SUPT3H: variants seen among roughly 807,000 people sequenced by gnomAD.
SUPT3H encodes SPT3 homolog, SAGA and STAGA complex component.
In SUPT3H, 44 loss-of-function variants were observed where a neutral mutation model predicts 44.3. The observed-to-expected ratio is 0.99, with a 90% CI of 0.78 to 1.28. The LOEUF is 1.28. Ranked by LOEUF, SUPT3H falls within the 50% of genes most tolerant of loss-of-function variation. SUPT3H has a pLI of 0.00. For synonymous variants in SUPT3H, 124 were observed against 125.6 expected, an observed-to-expected ratio of 0.99 and a Z score of 0.09; for missense variants, 380 against 387.1, an observed-to-expected ratio of 0.98 and a Z score of 0.15.
intron 10 of SUPT3H, among the ~76,000 whole-genome samples, chr6:44,851,988 G>T (rs1192832751): frequency 6.6e-6 from 1 of 152,128 alleles, no homozygotes; most frequent in African/African-American, 2.4e-5. Flanking sequence ...GGCCCCATTG[G>T]CGTTTCCTAC....
intron 3 of SUPT3H, among the ~76,000 whole-genome samples, chr6:45,046,304 G>A (rs1421675157): frequency 6.6e-6 from 1 of 151,844 alleles, no homozygotes; most frequent in Non-Finnish European, 1.5e-5. Context: ...CTATCTTTAT[G>A]TCATTACCAC....
At chr6:45,187,504 A>T (rs1297480041) in intron 2 of SUPT3H, among the ~76,000 whole-genome samples, 1 of 151,590 alleles carries the variant, frequency 6.6e-6, no homozygotes, top group Non-Finnish European at 1.5e-5. Context: ...TAAAACTCCT[A>T]TTATATAAAT....
chr6:45,274,967 A>G (rs887705306), intron 2 of SUPT3H, among the ~76,000 whole-genome samples: 2 of 152,110 alleles, frequency 1.3e-5, no homozygotes, highest in African/African-American at 4.8e-5. Context: ...CTTTTTTTCT[A>G]TTAATGAGGC....
At chr6:44,990,905 T>C (rs1562213902) in intron 6 of SUPT3H, among the ~76,000 whole-genome samples, 2 of 151,892 alleles carry the variant, frequency 1.3e-5, no homozygotes, top group African/African-American at 4.8e-5. Context: ...AAATAATTAT[T>C]ATACTTTTAT....
intron 5 of SUPT3H, among the ~76,000 whole-genome samples, chr6:45,004,476 T>C (rs1057010964): frequency 1.3e-5 from 2 of 151,962 alleles, no homozygotes; most frequent in African/African-American, 4.8e-5. Context: ...TAAGAATCTA[T>C]ATTATCATCT....
At chr6:45,089,907 A>G (rs1796927357) in intron 3 of SUPT3H, among the ~76,000 whole-genome samples, 1 of 152,098 alleles carries the variant, frequency 6.6e-6, no homozygotes, top group South Asian at 2.1e-4. Context: ...AGCTGTCTAC[A>G]GAATTACATA....
At chr6:45,165,915 G>C (rs1472625346) in intron 2 of SUPT3H, among the ~76,000 whole-genome samples, 1 of 152,154 alleles carries the variant, frequency 6.6e-6, no homozygotes, top group Non-Finnish European at 1.5e-5. Context: ...GAAGAAATAA[G>C]ATGCATATTG....
chr6:44,994,375 A>G (rs1246133935), intron 6 of SUPT3H, among the ~76,000 whole-genome samples: 1 of 152,168 alleles, frequency 6.6e-6, no homozygotes, highest in African/African-American at 2.4e-5. Context: ...CTTCCTAGAG[A>G]GTTGAACAGA....
intron 10 of SUPT3H, among the ~76,000 whole-genome samples, chr6:44,917,352 T>C (rs1044327477): frequency 5.3e-5 from 8 of 152,326 alleles, no homozygotes; most frequent in South Asian, 2.1e-4. Flanking sequence ...TGTATACACA[T>C]ACATATACAT....
At chr6:44,968,154 TC>T (rs1777038221) in intron 6 of SUPT3H, among the ~76,000 whole-genome samples, 1 of 151,958 alleles carries the variant, frequency 6.6e-6, no homozygotes, top group East Asian at 1.9e-4. Context: ...AAATGCAGAG[TC>T]CTTTTTGCAT....
intron 2 of SUPT3H, among the ~76,000 whole-genome samples, chr6:45,311,240 A>G (rs563998233): frequency 6.6e-6 from 1 of 152,324 alleles, no homozygotes; most frequent in East Asian, 1.9e-4. Flanking sequence ...AAAACAGAAT[A>G]ATATGAACAA....
intron 10 of SUPT3H, among the ~76,000 whole-genome samples, chr6:44,844,371 A>G (rs1000438536): frequency 2.0e-5 from 3 of 152,210 alleles, no homozygotes; most frequent in Admixed American, 6.5e-5. Flanking sequence ...AAAGATCGAT[A>G]AATCAGACTA....
intron 10 of SUPT3H, among the ~76,000 whole-genome samples, chr6:44,891,981 C>T (rs1763385531): frequency 6.6e-6 from 1 of 151,796 alleles, no homozygotes; most frequent in South Asian, 2.1e-4. Flanking sequence ...TCAAAATGTT[C>T]TATTCTTTTA....
At chr6:45,043,281 G>A (rs1432146198) in intron 3 of SUPT3H, among the ~76,000 whole-genome samples, 3 of 152,040 alleles carry the variant, frequency 2.0e-5, no homozygotes, top group African/African-American at 7.2e-5. Context: ...TGAGAGAAAT[G>A]ACAAATGCAC....
chr6:45,210,121 T>C (rs1316263398), intron 2 of SUPT3H, among the ~76,000 whole-genome samples: 1 of 152,104 alleles, frequency 6.6e-6, no homozygotes, highest in Non-Finnish European at 1.5e-5. Context: ...ATAAGGCTAC[T>C]GGAAAGGAAA....
chr6:45,359,099 T>C (rs1465919864), intron 2 of SUPT3H, among the ~76,000 whole-genome samples: 1 of 152,140 alleles, frequency 6.6e-6, no homozygotes, highest in East Asian at 1.9e-4. Context: ...ACACATATAA[T>C]CCTAAACTGA....
At chr6:45,266,286 T>G (rs186831985) in intron 2 of SUPT3H, among the ~76,000 whole-genome samples, 1 of 151,958 alleles carries the variant, frequency 6.6e-6, no homozygotes, top group Non-Finnish European at 1.5e-5. Context: ...TTTAAAAATC[T>G]AGAAACTTCA....
chr6:44,914,146 T>C (rs1219129956), intron 10 of SUPT3H, among the ~76,000 whole-genome samples: 1 of 152,236 alleles, frequency 6.6e-6, no homozygotes. Flanking sequence ...ACTTCTGTGA[T>C]AAAAGTAACC....
intron 2 of SUPT3H, among the ~76,000 whole-genome samples, chr6:45,238,569 T>C (rs561156121): frequency 3.9e-5 from 6 of 152,234 alleles, no homozygotes; most frequent in East Asian, 3.9e-4. Context: ...ATAAATAGAA[T>C]AGATCCCAAG....
Sources: gnomAD v4.1 joint callset for allele counts (sites outside exome capture counted in the v4.1 genomes callset) on GRCh38, gnomAD v4.1.1 for gene constraint, MANE v1.5 for transcripts, NCBI Gene and HGNC (gene_info 2026-07-23, HGNC 2026-07-21) for gene names.